Variants in RANBP2 observed in about 807,000 individuals in gnomAD.
RANBP2 encodes the protein RAN binding protein 2.
In RANBP2, 57 loss-of-function variants were observed where a neutral mutation model predicts 303.6. The observed-to-expected ratio is 0.19, with a 90% CI of 0.15 to 0.23. RANBP2 has a LOEUF of 0.23. Ranked by LOEUF, RANBP2 falls within the 10% of genes least tolerant of loss-of-function variation. RANBP2 has a pLI of 1.00. For synonymous variants in RANBP2, 1,167 were observed against 1,301.5 expected (o/e 0.90, Z 2.23); for missense variants, 3,138 against 3,780.8 (o/e 0.83, Z 4.46).
the RANBP2 span, among the ~76,000 whole-genome samples, chr2:108,979,122 G>C: frequency 2.0e-5 from 3 of 152,186 alleles, no homozygotes; most frequent in Non-Finnish European, 4.4e-5. Context: ...GGAAACATCT[G>C]AGGATGCCAA....
chr2:108,989,407 A>ATT, the RANBP2 span: 11 of 147,934 alleles, frequency 7.4e-5, no homozygotes, highest in South Asian at 6.4e-4. Flanking sequence ...AAAATCATGG[A>ATT]TTTTTTTTTT....
At chr2:109,681,076 T>C in the RANBP2 span, among the ~76,000 whole-genome samples, 1 of 152,190 alleles carries the variant, frequency 6.6e-6, no homozygotes, top group Non-Finnish European at 1.5e-5. Context: ...ATCCCCACAA[T>C]GGTGGACAGT....
chr2:108,974,541 C>T, the RANBP2 span, among the ~76,000 whole-genome samples: 5 of 151,068 alleles, frequency 3.3e-5, no homozygotes, highest in Non-Finnish European at 5.9e-5. Flanking sequence ...ACCAGCCTGA[C>T]CAACATGATG....
the RANBP2 span, among the ~76,000 whole-genome samples, chr2:108,899,918 G>A: frequency 1.6e-4 from 25 of 151,826 alleles, no homozygotes; most frequent in Non-Finnish European, 2.7e-4. Context: ...CCTGGGAGGC[G>A]GAGGTTGCAG....
chr2:109,482,412 T>C, the RANBP2 span, among the ~76,000 whole-genome samples: 13 of 152,340 alleles, frequency 8.5e-5, no homozygotes, highest in South Asian at 2.7e-3. Context: ...CAGCTCCATC[T>C]GTTGCCAAAG....
chr2:109,049,073 G>A, the RANBP2 span, among the ~76,000 whole-genome samples: 6 of 152,204 alleles, frequency 3.9e-5, no homozygotes, highest in Non-Finnish European at 7.3e-5. Flanking sequence ...TGAAGTATCC[G>A]GAAGGCAAGA....
At chr2:109,427,653 T>C in the RANBP2 span, among the ~76,000 whole-genome samples, 1 of 152,180 alleles carries the variant, frequency 6.6e-6, no homozygotes, top group Non-Finnish European at 1.5e-5. Flanking sequence ...AGACATCAGC[T>C]CCTAAGCTGG....
chr2:109,123,655 C>T, the RANBP2 span, among the ~76,000 whole-genome samples: 3 of 152,158 alleles, frequency 2.0e-5, no homozygotes, highest in Non-Finnish European at 4.4e-5. Flanking sequence ...GTTACATATT[C>T]CCTCTCTGCC....
the RANBP2 span, among the ~76,000 whole-genome samples, chr2:109,415,714 T>G: frequency 6.6e-6 from 1 of 152,170 alleles, no homozygotes; most frequent in Non-Finnish European, 1.5e-5. Context: ...GTGGGGATAC[T>G]GCCCCCTTTG....
chr2:108,971,735 T>G, the RANBP2 span, among the ~76,000 whole-genome samples: 2 of 152,200 alleles, frequency 1.3e-5, no homozygotes, highest in Non-Finnish European at 2.9e-5. Context: ...AAGTCAGGTG[T>G]TGTGGTTTAT....
chr2:109,693,524 G>T, the RANBP2 span, among the ~76,000 whole-genome samples: 1 of 152,136 alleles, frequency 6.6e-6, no homozygotes, highest in Admixed American at 6.5e-5. Context: ...TCGTGGTAGT[G>T]AGTAAGTCTC....
the RANBP2 span, among the ~76,000 whole-genome samples, chr2:109,054,293 A>G: frequency 6.6e-6 from 1 of 152,168 alleles, no homozygotes; most frequent in African/African-American, 2.4e-5. Flanking sequence ...AGAGGTGCCC[A>G]TCCCTGCTCT....
the RANBP2 span, among the ~76,000 whole-genome samples, chr2:109,023,055 A>C: frequency 6.6e-5 from 10 of 152,152 alleles, no homozygotes; most frequent in African/African-American, 2.4e-4. Flanking sequence ...CATCTCAAAA[A>C]AAAAGAAAAA....
chr2:109,305,777 C>T, the RANBP2 span, among the ~76,000 whole-genome samples: 2 of 152,336 alleles, frequency 1.3e-5, no homozygotes, highest in African/African-American at 2.4e-5. Context: ...AGACAGATGC[C>T]ACAAAACTTG....
At chr2:109,082,842 T>C in the RANBP2 span, among the ~76,000 whole-genome samples, 1 of 150,486 alleles carries the variant, frequency 6.6e-6, no homozygotes, top group Admixed American at 6.6e-5. Context: ...TTTTTTTTTT[T>C]TGAGACGGAG....
chr2:109,195,419 C>T, the RANBP2 span, among the ~76,000 whole-genome samples: 1 of 152,232 alleles, frequency 6.6e-6, no homozygotes. Context: ...CGGACACCAG[C>T]GTCTGCCACT....
At chr2:109,508,432 A>G in the RANBP2 span, among the ~76,000 whole-genome samples, 1 of 152,328 alleles carries the variant, frequency 6.6e-6, no homozygotes, top group South Asian at 2.1e-4. Flanking sequence ...CCGCTCCTCC[A>G]GGACATTGCC....
At chr2:109,500,843 G>A in the RANBP2 span, among the ~76,000 whole-genome samples, 3 of 152,070 alleles carry the variant, frequency 2.0e-5, no homozygotes, top group Non-Finnish European at 2.9e-5. Context: ...CCAGCTATTC[G>A]GGAGGCTGAG....
chr2:109,149,682 C>G, the RANBP2 span, among the ~76,000 whole-genome samples: 2 of 152,200 alleles, frequency 1.3e-5, no homozygotes, highest in Non-Finnish European at 2.9e-5. Flanking sequence ...AGCAACGTTG[C>G]AGAGAGCAAG....
Sources: gnomAD v4.1 joint callset for allele counts (sites outside exome capture counted in the v4.1 genomes callset) on GRCh38, gnomAD v4.1.1 for gene constraint, MANE v1.5 for transcripts, NCBI Gene and HGNC (gene_info 2026-07-23, HGNC 2026-07-21) for gene names.